The following CEP89 variants were observed in gnomAD, a reference collection of about 807,000 sequenced individuals.
CEP89 encodes the protein centrosomal protein of 89 kDa.
CEP89 carries 95 observed loss-of-function variants against 97.6 expected under a neutral mutation model. The ratio of observed to expected loss-of-function variants is 0.97; its 90% confidence interval spans 0.82 to 1.15. The LOEUF (loss-of-function observed/expected upper bound fraction) is 1.15. Among genes scored for constraint, CEP89 ranks in the 50% most tolerant of loss-of-function variants. The probability of loss-of-function intolerance (pLI) is 0.00; values close to 1 mark genes in which losing one functional copy is unlikely to be tolerated. For missense variants in CEP89, 869 were observed against 947.7 expected (o/e 0.92, Z 1.09); for synonymous variants, 354 against 349.1 (o/e 1.01, Z -0.16).
In CEP89 at chr19:32,907,392, T is replaced by C. The variant is rs375085079; in HGVS notation, c.1566-5980A>G. 6.6e-5 allele frequency among the ~76,000 whole-genome samples: 10 copies of C among 151,830 alleles called. No individual in the cohort carries two copies. In the East Asian group the frequency reaches 1.9e-3, roughly 29 times the overall value. On this transcript the variant is annotated intron_variant, in intron 14 of 18. Coordinates refer to ENST00000305768, the MANE Select transcript of CEP89 (RefSeq NM_032816.5). ...AGAAGAGAATAAAGATAACACATTTTAGTCTAACATTCTGAGGACAGTCCA... is the reference window on the plus strand; with the variant it reads ...AGAAGAGAATAAAGATAACACATTTCAGTCTAACATTCTGAGGACAGTCCA...
At chr19:32,931,731 T>C (rs1970478694) in intron 8 of CEP89, among the ~76,000 whole-genome samples, 160 bp from the exon 9 acceptor site, 1 of 152,182 alleles carries the variant, frequency 6.6e-6, no homozygotes, top group Non-Finnish European at 1.5e-5. Flanking sequence ...TCTGTGTGTG[T>C]GAATGAATAA....
intron 14 of CEP89, among the ~76,000 whole-genome samples, chr19:32,902,002 C>CTGTGTGTGTGTGTGTGTGTGTG (rs1471468250): frequency 3.0e-4 from 32 of 105,024 alleles, no homozygotes; most frequent in African/African-American, 1.5e-3. Context: ...CTCTGTCTCT[C>CTGTGTGTGTGTGTGTGTGTGTG]TCTCTCTCTG....
At chr19:32,944,626 C>T (rs1054566119) in intron 5 of CEP89, among the ~76,000 whole-genome samples, 17 of 152,102 alleles carry the variant, frequency 1.1e-4, no homozygotes, top group African/African-American at 4.1e-4. Flanking sequence ...AGGTGTATCA[C>T]TTGACAAAGC....
chr19:32,910,912 T>G (rs2145900998), intron 14 of CEP89, among the ~76,000 whole-genome samples: 1 of 152,346 alleles, frequency 6.6e-6, no homozygotes, highest in Middle Eastern at 3.4e-3. Flanking sequence ...CTTTATTTTG[T>G]TATAAGTAGA....
intron 9 of CEP89, among the ~76,000 whole-genome samples, chr19:32,928,502 A>ATACATC (rs1029213588): frequency 1.3e-5 from 2 of 151,994 alleles, no homozygotes; most frequent in Non-Finnish European, 1.5e-5. Flanking sequence ...TCTTTTAGCC[A>ATACATC]TACATCTCAG....
Position 32,882,019 on chromosome 19 carries a change from C to CG in CEP89, c.1966-7dup. On this transcript the variant is annotated splice_region_variant and splice_polypyrimidine_tract_variant and intron_variant, in intron 17 of 18. Coordinates refer to ENST00000305768, the MANE Select transcript of CEP89 (RefSeq NM_032816.5). ...GCTGCCTGCTTCTTGTAGCCCTGGT[C>CG]GGGGGAAGGACTCTGTGAATGAGGG... is the stretch of plus-strand genomic sequence containing the variant. 3.2e-6 allele frequency: 5 copies of CG among 1,559,314 alleles called. No homozygotes were observed. The South Asian group carries it at 3.5e-5, about 11-fold the overall frequency.
intron 14 of CEP89, among the ~76,000 whole-genome samples, chr19:32,910,980 A>G (rs1243335362): frequency 6.6e-6 from 1 of 152,280 alleles, no homozygotes; most frequent in Non-Finnish European, 1.5e-5. Context: ...CCAGTAACAC[A>G]GTCATTTACT....
chr19:32,947,373 C>A (rs1970818564), intron 5 of CEP89, among the ~76,000 whole-genome samples: 1 of 152,192 alleles, frequency 6.6e-6, no homozygotes, highest in Non-Finnish European at 1.5e-5. Flanking sequence ...CCTATCCTAT[C>A]CCTACCTCTA....
intron 5 of CEP89, among the ~76,000 whole-genome samples, chr19:32,941,826 C>T (rs759878853): frequency 2.6e-5 from 4 of 152,130 alleles, no homozygotes; most frequent in African/African-American, 4.8e-5. Context: ...AGCTGGGATG[C>T]GAGGGGAAAG....
At chr19:32,951,682 G>C (rs548650521) in intron 4 of CEP89, among the ~76,000 whole-genome samples, 18 of 151,472 alleles carry the variant, frequency 1.2e-4, no homozygotes, top group Non-Finnish European at 2.5e-4. Flanking sequence ...TGGGGTTAGG[G>C]GACAAGGCAA....
chr19:32,934,476 T>G (rs1970540268), intron 7 of CEP89, among the ~76,000 whole-genome samples: 2 of 152,120 alleles, frequency 1.3e-5, no homozygotes, highest in Non-Finnish European at 2.9e-5. Flanking sequence ...GAGGCTCCCA[T>G]GGGCCCTGGC....
intron 5 of CEP89, among the ~76,000 whole-genome samples, chr19:32,940,427 A>G (rs1310954233): frequency 6.7e-6 from 1 of 150,124 alleles, no homozygotes; most frequent in East Asian, 2.0e-4. Context: ...TCTCCTTCCA[A>G]CACTCCTCCC....
At chr19:32,926,156 A>C in intron 11 of CEP89, 34 bp downstream of exon 11, 1 of 1,483,118 alleles carries the variant, frequency 6.7e-7, no homozygotes. Context: ...TATTTTTATA[A>C]ATCTTGTGTC....
At position 32,926,851 on chromosome 19, in the gene CEP89, C is replaced by T. The variant is rs148667271; in HGVS notation, c.1080+83G>A. On this transcript the variant is annotated intron_variant, in intron 10 of 18. Transcript: ENST00000305768. ...TGCTGGGATTACAGACATGAGCCACCGCGCCTGGCCTGAAATGGTTTTTAA... is the reference window on the plus strand; with the variant it reads ...TGCTGGGATTACAGACATGAGCCACTGCGCCTGGCCTGAAATGGTTTTTAA... 1.4e-3 allele frequency: 1,742 copies of T among 1,220,312 alleles called. 24 individuals are homozygous for T. In the African/African-American group the frequency reaches 0.023, roughly 16 times the overall value. 75.6% of individuals were successfully genotyped at this position (1,220,312 alleles called of 1,614,324 possible).
At chr19:32,887,653 A>C in intron 17 of CEP89, 99 bp downstream of exon 17, 1 of 718,520 alleles carries the variant, frequency 1.4e-6, no homozygotes, top group Non-Finnish European at 2.5e-6. Flanking sequence ...TTAGTGATGC[A>C]CATGCAAAAG....
At chr19:32,967,491 GCT>G (rs1215371615) in intron 1 of CEP89, among the ~76,000 whole-genome samples, 1 of 144,620 alleles carries the variant, frequency 6.9e-6, no homozygotes, top group African/African-American at 2.6e-5. Context: ...CGGGAGAAAG[GCT>G]CTCACTAAAA....
At chr19:32,954,638 C>A (rs946178591) in intron 3 of CEP89, among the ~76,000 whole-genome samples, 16 of 151,646 alleles carry the variant, frequency 1.1e-4, no homozygotes, top group Non-Finnish European at 2.2e-4. Flanking sequence ...CAGGCATGAG[C>A]CACTGAGCCC....
At chr19:32,934,754 T>A (rs558769060) in intron 7 of CEP89, among the ~76,000 whole-genome samples, 1 of 151,590 alleles carries the variant, frequency 6.6e-6, no homozygotes, top group African/African-American at 2.4e-5. Flanking sequence ...AGCTAGAAAA[T>A]GGGGAGGGGT....
rs1971170558 is a variant in CEP89, at chr19:32,961,598, A to AG, written c.147-1541dup. Among the ~76,000 whole-genome samples, 22 of 150,332 alleles carry AG rather than the reference A, an allele frequency of 1.5e-4. No homozygotes were observed. In the South Asian group the frequency reaches 4.7e-3, roughly 32 times the overall value. ...CATCTCAAAAAAAAAAAAAAAAAAA[A>AG]GAGCATCAATCAGATGTGGGATAAA... On this transcript the variant is annotated intron_variant, in intron 2 of 18. Coordinates refer to ENST00000305768, the MANE Select transcript of CEP89 (RefSeq NM_032816.5).
Sources: allele counts gnomAD v4.1 joint callset (sites outside exome capture counted in the v4.1 genomes callset), GRCh38; gene constraint gnomAD v4.1.1; transcripts MANE v1.5; gene names NCBI Gene and HGNC (gene_info 2026-07-23, HGNC 2026-07-21).